TASP1: variants seen among roughly 807,000 people sequenced by gnomAD.
The protein encoded by TASP1 is taspase 1, also known as threonine aspartase 1.
A neutral mutation model predicts 56.6 loss-of-function variants in TASP1; 16 were observed. That is an observed-to-expected ratio of 0.28 (90% CI 0.19 to 0.43). The LOEUF (loss-of-function observed/expected upper bound fraction) is 0.43. Ranked by LOEUF, TASP1 falls within the 20% of genes least tolerant of loss-of-function variation. The pLI is 1.00. For synonymous variants in TASP1, 179 were observed against 184.2 expected, an observed-to-expected ratio of 0.97 and a Z score of 0.23; for missense variants, 393 against 511.6, an observed-to-expected ratio of 0.77 and a Z score of 2.24.
chr20:13,585,866 G>T (rs1032023415), intron 5 of TASP1, among the ~76,000 whole-genome samples: 9 of 152,150 alleles, frequency 5.9e-5, no homozygotes, highest in African/African-American at 2.2e-4. Context: ...CAGGCACAGT[G>T]GCTCACGCCT....
the TASP1 span, among the ~76,000 whole-genome samples, chr20:13,236,892 C>A: frequency 2.0e-5 from 3 of 152,222 alleles, no homozygotes; most frequent in Non-Finnish European, 4.4e-5. Context: ...CAGGGTACAG[C>A]CTCCCTCCAG....
At chr20:13,108,126 G>A in the TASP1 span, among the ~76,000 whole-genome samples, 400 of 152,242 alleles carry the variant, frequency 2.6e-3, 2 homozygotes, top group African/African-American at 9.3e-3. Context: ...AAGGTGCCAT[G>A]CTAACAGGGG....
At chr20:13,492,595 G>T (rs976598534) in intron 10 of TASP1, among the ~76,000 whole-genome samples, 1 of 152,140 alleles carries the variant, frequency 6.6e-6, no homozygotes, top group Admixed American at 6.6e-5. Context: ...AACATAAGGA[G>T]CTTCATAAAG....
At chr20:13,167,572 A>G in the TASP1 span, 1 of 152,228 alleles carries the variant, frequency 6.6e-6, no homozygotes. Flanking sequence ...GGAAAGCAGA[A>G]GATAAAGGTT....
the TASP1 span, among the ~76,000 whole-genome samples, chr20:13,273,167 C>T: frequency 6.7e-6 from 1 of 148,980 alleles, no homozygotes; most frequent in Non-Finnish European, 1.5e-5. Flanking sequence ...CTAGATAAAT[C>T]CATCTGTCTG....
At chr20:13,324,749 C>A in the TASP1 span, among the ~76,000 whole-genome samples, 1 of 152,166 alleles carries the variant, frequency 6.6e-6, no homozygotes, top group Non-Finnish European at 1.5e-5. Context: ...TCAGGAACAG[C>A]ACCTAGCACC....
At chr20:13,536,303 A>T (rs769356372) in intron 8 of TASP1, among the ~76,000 whole-genome samples, 6 of 152,196 alleles carry the variant, frequency 3.9e-5, no homozygotes, top group Non-Finnish European at 7.3e-5. Context: ...ATTCATTCTG[A>T]AGCAAACTAT....
At chr20:13,330,132 T>C in the TASP1 span, among the ~76,000 whole-genome samples, 1 of 152,044 alleles carries the variant, frequency 6.6e-6, no homozygotes, top group Non-Finnish European at 1.5e-5. Flanking sequence ...AATTTTTGTA[T>C]TTTTAATGGA....
chr20:13,193,912 C>T, the TASP1 span, among the ~76,000 whole-genome samples: 5 of 152,168 alleles, frequency 3.3e-5, no homozygotes, highest in Admixed American at 3.3e-4. Flanking sequence ...CTTCTGTTTA[C>T]ATCTTATTGG....
At chr20:13,118,982 A>C in the TASP1 span, among the ~76,000 whole-genome samples, 5 of 152,148 alleles carry the variant, frequency 3.3e-5, no homozygotes, top group Non-Finnish European at 7.3e-5. Context: ...TCCCCTCTTC[A>C]CTGGCCTGTG....
chr20:13,392,780 C>A (rs2041340780), intron 13 of TASP1: 4 of 607,752 alleles, frequency 6.6e-6, no homozygotes, highest in African/African-American at 1.8e-5. Flanking sequence ...ATCAGTGACC[C>A]CTTCCTTGAC....
intron 10 of TASP1, among the ~76,000 whole-genome samples, chr20:13,520,311 C>T (rs1336517534): frequency 6.6e-6 from 1 of 152,178 alleles, no homozygotes; most frequent in Non-Finnish European, 1.5e-5. Flanking sequence ...GCCCACATTG[C>T]CAAGTCAATC....
At chr20:13,320,385 A>G in the TASP1 span, among the ~76,000 whole-genome samples, 155 of 152,322 alleles carry the variant, frequency 1.0e-3, no homozygotes, top group Non-Finnish European at 1.9e-3. Flanking sequence ...GTGCTTGCAA[A>G]CCAAAGGACA....
intron 12 of TASP1, among the ~76,000 whole-genome samples, chr20:13,428,462 C>G (rs1272138580): frequency 6.6e-6 from 1 of 152,050 alleles, no homozygotes; most frequent in Non-Finnish European, 1.5e-5. Context: ...TCTGTAGAGG[C>G]CTGGAAAGCA....
intron 4 of TASP1, among the ~76,000 whole-genome samples, chr20:13,609,968 A>T (rs2048296354): frequency 6.6e-6 from 1 of 152,216 alleles, no homozygotes; most frequent in Non-Finnish European, 1.5e-5. Context: ...CTACACTGTG[A>T]ACAAACTTTA....
the TASP1 span, among the ~76,000 whole-genome samples, chr20:13,115,458 A>C: frequency 6.6e-6 from 1 of 152,182 alleles, no homozygotes; most frequent in Admixed American, 6.5e-5. Flanking sequence ...CAGTGTCTAC[A>C]AACACTGTGG....
chr20:13,510,739 G>C (rs1176580392), intron 10 of TASP1, among the ~76,000 whole-genome samples: 3 of 152,100 alleles, frequency 2.0e-5, no homozygotes, highest in Non-Finnish European at 4.4e-5. Flanking sequence ...TGACCTCTCT[G>C]AACTACAGCT....
At chr20:13,210,758 A>G in the TASP1 span, among the ~76,000 whole-genome samples, 2 of 152,148 alleles carry the variant, frequency 1.3e-5, no homozygotes, top group Admixed American at 1.3e-4. Flanking sequence ...AAGAGGAAAA[A>G]TATTGTTTAT....
chr20:13,469,916 C>A (rs969961918), intron 11 of TASP1, among the ~76,000 whole-genome samples: 1 of 141,996 alleles, frequency 7.0e-6, no homozygotes, highest in Non-Finnish European at 1.5e-5. Context: ...TCAAGCTGTT[C>A]TCCTGCCTCA....
Sources: allele counts gnomAD v4.1 joint callset (sites outside exome capture counted in the v4.1 genomes callset), GRCh38; gene constraint gnomAD v4.1.1; transcripts MANE v1.5; gene names NCBI Gene and HGNC (gene_info 2026-07-23, HGNC 2026-07-21).